CBLN2: variants seen among roughly 807,000 people sequenced by gnomAD.
CBLN2 encodes cerebellin 2 precursor.
Under a neutral mutation model 15.0 loss-of-function variants are expected in CBLN2, and 7 were observed. That is an observed-to-expected ratio of 0.47 (90% CI 0.27 to 0.88). CBLN2 has a LOEUF of 0.88. CBLN2 is among the 40% of genes least tolerant of loss of function. The pLI, the probability that CBLN2 is intolerant of heterozygous loss-of-function variation, is 0.14. For missense variants in CBLN2, 242 were observed against 304.5 expected, an observed-to-expected ratio of 0.79 and a Z score of 1.53; for synonymous variants, 149 against 135.2, an observed-to-expected ratio of 1.10 and a Z score of -0.71.
chr18:72,624,376 C>G (rs1021553852), intron 1 of CBLN2, among the ~76,000 whole-genome samples: 2 of 152,036 alleles, frequency 1.3e-5, no homozygotes, highest in African/African-American at 4.8e-5. Flanking sequence ...CTAAAACTAT[C>G]TTCCTGCAAT....
chr18:72,577,523 C>G (rs12954205), intron 1 of CBLN2, among the ~76,000 whole-genome samples: 86,956 of 152,036 alleles, frequency 0.57, 29,533 homozygotes, highest in East Asian at 0.8. Context: ...TGAGCTTCAG[C>G]AATTGAGAAA....
chr18:72,538,403 C>A (rs2069083879), intron 4 of CBLN2, 30 bp from the exon 5 acceptor site: 1 of 1,605,146 alleles, frequency 6.2e-7, no homozygotes, highest in African/African-American at 1.3e-5. Flanking sequence ...GCTCAGCAGA[C>A]CATAAAGCAC....
At chr18:72,609,564 G>A (rs2069607252) in intron 1 of CBLN2, among the ~76,000 whole-genome samples, 1 of 152,044 alleles carries the variant, frequency 6.6e-6, no homozygotes, top group Admixed American at 6.6e-5. Context: ...ACTTTGTTAT[G>A]GCAGCCCTAG....
intron 1 of CBLN2, among the ~76,000 whole-genome samples, chr18:72,551,244 A>G (rs903554269): frequency 1.3e-5 from 2 of 152,140 alleles, no homozygotes; most frequent in Admixed American, 6.5e-5. Flanking sequence ...ATGTTTATAT[A>G]TATACACATC....
rs74602980 is a variant in CBLN2 at position 72,587,180 on chromosome 18, G to A, written c.16-48408C>T. Among the ~76,000 whole-genome samples, 168 of 151,876 alleles carry A rather than the reference G, an allele frequency of 1.1e-3. 6 individuals carry two copies. The East Asian group carries it at 0.031, about 28-fold the overall frequency. ...GGTTATAGAGGAGTTTCCTGAAATC[G>A]GTTTGGCATGAGGTGGTGATATTTT... On this transcript the variant is annotated intron_variant, in intron 1 of 2. Transcript: ENST00000581073.
intron 1 of CBLN2, among the ~76,000 whole-genome samples, chr18:72,578,037 C>T (rs546576700): frequency 5.3e-5 from 8 of 152,246 alleles, no homozygotes; most frequent in Non-Finnish European, 1.0e-4. Context: ...GTCAGCTCTG[C>T]GTACTCTTTG....
chr18:72,586,373 A>G (rs149446295), intron 1 of CBLN2, among the ~76,000 whole-genome samples: 30 of 152,298 alleles, frequency 2.0e-4, no homozygotes, highest in African/African-American at 7.2e-4. Flanking sequence ...TCTATACACT[A>G]AAGGTGGGGG....
chr18:72,625,298 A>G (rs998275727), intron 1 of CBLN2: 3 of 151,856 alleles, frequency 2.0e-5, no homozygotes, highest in African/African-American at 4.8e-5. Flanking sequence ...TGTCCAGTTA[A>G]CTCTGAGAGT....
chr18:72,587,097 A>G (rs1210304870), intron 1 of CBLN2, among the ~76,000 whole-genome samples: 2 of 152,074 alleles, frequency 1.3e-5, no homozygotes, highest in Admixed American at 1.3e-4. Context: ...GAGGTTTAAT[A>G]AAATCATGCA....
chr18:72,588,456 G>A lies in CBLN2; in HGVS notation c.16-49684C>T, dbSNP rs1326649731. ...GCATTTCGTACATTCACAATGCTGC[G>A]AAACCACCACCTCTATCTAGTTCAA... On this transcript the variant is annotated intron_variant, in intron 1 of 2. Coordinates refer to the CBLN2 transcript ENST00000581073. 2.0e-5 allele frequency among the ~76,000 whole-genome samples: 3 copies of A among 152,218 alleles called. No individual in the cohort carries two copies. In the East Asian group the frequency reaches 5.8e-4, roughly 29 times the overall value.
intron 1 of CBLN2, among the ~76,000 whole-genome samples, chr18:72,610,292 G>T (rs1321017267): frequency 2.6e-5 from 4 of 152,122 alleles, no homozygotes; most frequent in Non-Finnish European, 5.9e-5. Context: ...GTGCAGTGCT[G>T]TTCTCTAGGG....
chr18:72,632,306 CTTGT>C (rs1446810721), intron 1 of CBLN2, among the ~76,000 whole-genome samples: 2 of 151,660 alleles, frequency 1.3e-5, no homozygotes, highest in East Asian at 1.9e-4. Context: ...AATGTTTTAC[CTTGT>C]TTGTTTGTTT....
At chr18:72,637,447 G>T (rs947303465) in intron 1 of CBLN2, among the ~76,000 whole-genome samples, 2 of 152,212 alleles carry the variant, frequency 1.3e-5, no homozygotes, top group Admixed American at 6.5e-5. Flanking sequence ...CAGATCCACA[G>T]CCCTGACACC....
intron 1 of CBLN2, among the ~76,000 whole-genome samples, chr18:72,601,323 A>G (rs546675887): frequency 1.6e-4 from 25 of 152,270 alleles, no homozygotes; most frequent in African/African-American, 6.0e-4. Context: ...AATTTTGCAA[A>G]GGTGATTTCA....
intron 1 of CBLN2, among the ~76,000 whole-genome samples, chr18:72,562,062 T>C (rs926267799): frequency 3.3e-5 from 5 of 152,214 alleles, no homozygotes; most frequent in Non-Finnish European, 7.3e-5. Flanking sequence ...TTTATTGTTT[T>C]ATGTGTCTGC....
intron 1 of CBLN2, among the ~76,000 whole-genome samples, chr18:72,617,025 C>A (rs536347383): frequency 1.3e-5 from 2 of 151,912 alleles, no homozygotes; most frequent in Non-Finnish European, 2.9e-5. Context: ...TTGTATATTC[C>A]TAATTTCTCA....
intron 1 of CBLN2, among the ~76,000 whole-genome samples, chr18:72,587,511 TA>T (rs145296587): frequency 0.057 from 8,653 of 152,182 alleles, 252 homozygotes; most frequent in East Asian, 0.095. Context: ...AAGTAGGTTT[TA>T]AAAAAAGACT....
chr18:72,570,074 G>A (rs2069321113), intron 1 of CBLN2, among the ~76,000 whole-genome samples: 1 of 152,076 alleles, frequency 6.6e-6, no homozygotes, highest in Non-Finnish European at 1.5e-5. Context: ...TATTTGTGGT[G>A]GTTATGTTTT....
intron 1 of CBLN2, among the ~76,000 whole-genome samples, chr18:72,636,362 A>G (rs1029105702): frequency 2.0e-5 from 3 of 152,236 alleles, no homozygotes; most frequent in African/African-American, 7.2e-5. Flanking sequence ...TTAACGTAAC[A>G]TAGCCAATAA....
Sources: allele counts gnomAD v4.1 joint callset (sites outside exome capture counted in the v4.1 genomes callset), GRCh38; gene constraint gnomAD v4.1.1; transcripts MANE v1.5; gene names NCBI Gene and HGNC (gene_info 2026-07-23, HGNC 2026-07-21).